Variants in GAK observed in about 807,000 individuals in gnomAD.
GAK encodes cyclin-G-associated kinase.
In GAK, 79 loss-of-function variants were observed where a neutral mutation model predicts 143.9. That is an observed-to-expected ratio of 0.55 (90% CI 0.46 to 0.66). The LOEUF (loss-of-function observed/expected upper bound fraction) is 0.66. Among genes scored for constraint, GAK ranks in the 30% least tolerant of loss-of-function variants. The pLI is 0.00. For missense variants in GAK, 1,693 were observed against 1,779.7 expected (o/e 0.95, Z 0.88); for synonymous variants, 881 against 765.5 (o/e 1.15, Z -2.49).
intron 24 of GAK, among the ~76,000 whole-genome samples, chr4:854,313 T>C (rs991536414): frequency 1.3e-5 from 2 of 152,122 alleles, no homozygotes; most frequent in African/African-American, 4.8e-5. Context: ...TTGACTGTAT[T>C]TTTATATTCT....
At position 932,148 on chromosome 4, in the gene GAK, G is replaced by A. The variant is rs1202175841; in HGVS notation, c.40C>T (p.Pro14Ser). ...CCGGAAGCACCGCCCAGGGAGCCTG[G>A]ACCCGCCAAGAAGTCGAGCGCCGAC... ...LQSALDFLAG[P>S]GSLGGASGRD... The change falls in exon 1 of 28, where the codon CCA becomes TCA. Residue 14 changes from proline to serine, a missense_variant. Physicochemically the swap from Pro to Ser is moderately conservative, Grantham distance 74. Coordinates refer to ENST00000314167, the MANE Select transcript of GAK (RefSeq NM_005255.4). The surrounding 1 kb of genome is among the most constrained non-coding windows in gnomAD (Gnocchi z 4.0). 12 of 1,580,360 alleles carry A rather than the reference G, an allele frequency of 7.6e-6. No homozygotes were observed. Among genetic ancestry groups the A allele is most frequent in the Non-Finnish European group, 9.4e-6 (11 of 1,164,436 alleles).
intron 5 of GAK, among the ~76,000 whole-genome samples, chr4:904,200 G>T (rs375287609): frequency 9.2e-4 from 132 of 143,692 alleles, no homozygotes; most frequent in African/African-American, 3.1e-3. Flanking sequence ...TGGCAGCTGC[G>T]TGTGGAGGGA....
Position 867,837 on chromosome 4 carries a change from G to A in GAK, c.2396-405C>T, listed in dbSNP as rs949084144. ...TGCAGAAGCTTCTGGGCGGGCGGTG[G>A]GGTGTTGTTCCTGAGGCGTCTCCAG... On this transcript the variant is annotated intron_variant, in intron 20 of 27. Transcript: ENST00000314167. Among the ~76,000 whole-genome samples the A allele has an allele frequency of 2.0e-5, 3 of 152,254 alleles. No homozygotes were observed. The South Asian group carries it at 6.2e-4, about 31-fold the overall frequency.
chr4:895,976 G>A (rs929760493), intron 7 of GAK, among the ~76,000 whole-genome samples: 1 of 152,226 alleles, frequency 6.6e-6, no homozygotes, highest in African/African-American at 2.4e-5. Context: ...AGTAGTCAAG[G>A]TTGGGCAGGG....
At chr4:851,355 CA>C in intron 25 of GAK, 1 of 450,254 alleles carries the variant, frequency 2.2e-6, no homozygotes. Flanking sequence ...CTCAGCCTCC[CA>C]AAGTGCTGGG....
Position 888,989 on chromosome 4 carries a change from T to G in GAK, c.1082-19A>C. On this transcript the variant is annotated intron_variant, in intron 10 of 27. Coordinates refer to ENST00000314167, the MANE Select transcript of GAK (RefSeq NM_005255.4). ...GCCAGGCCTGCAGGGAGACACAGTC[T>G]CAGCAGGCCCCAGGTGCTCGGTCCC... 6.2e-7 allele frequency: 1 copy of G among 1,605,776 alleles called. No individual in the cohort carries two copies.
intron 23 of GAK, among the ~76,000 whole-genome samples, chr4:862,519 G>T (rs149167969): frequency 6.6e-6 from 1 of 152,112 alleles, no homozygotes; most frequent in Non-Finnish European, 1.5e-5. Flanking sequence ...TTAGCCGGGC[G>T]TGGTGGCAGG....
chr4:870,142 A>C (rs1234878909), intron 19 of GAK, among the ~76,000 whole-genome samples: 2 of 152,192 alleles, frequency 1.3e-5, no homozygotes, highest in African/African-American at 4.8e-5. Context: ...CACAGCACGC[A>C]CAGGTCACAC....
At chr4:857,406 C>A (rs182429815) in intron 24 of GAK, among the ~76,000 whole-genome samples, 164 of 152,284 alleles carry the variant, frequency 1.1e-3, no homozygotes, top group Non-Finnish European at 1.9e-3. Context: ...TTTCAACATT[C>A]GGTGAAATTC....
intron 4 of GAK, among the ~76,000 whole-genome samples, chr4:908,016 C>T (rs116272755): frequency 0.016 from 2,447 of 152,358 alleles, 30 homozygotes; most frequent in Middle Eastern, 0.044. Flanking sequence ...GTGCACATAT[C>T]CTGGGAACAC....
intron 1 of GAK, among the ~76,000 whole-genome samples, chr4:930,939 G>A (rs1412429305): frequency 6.6e-6 from 1 of 152,210 alleles, no homozygotes; most frequent in Non-Finnish European, 1.5e-5. Context: ...CTCCAGCCCT[G>A]AGAGGTACCA....
At chr4:870,981 G>A (rs935347732) in intron 18 of GAK, 77 bp from the exon 19 acceptor site, 35 of 1,310,226 alleles carry the variant, frequency 2.7e-5, no homozygotes, top group Middle Eastern at 3.8e-4. Flanking sequence ...CTAAAGAAAC[G>A]TGCATGGAAA....
chr4:887,926 T>TTA (rs1491506473), intron 11 of GAK: 8 of 152,242 alleles, frequency 5.3e-5, no homozygotes, highest in Non-Finnish European at 1.0e-4. Flanking sequence ...TGTTCACATA[T>TTA]GTATGTTAAC....
At chr4:856,219 GCTGCTCACCACCACAGCTGCTCACAC>G (rs1284159379) in intron 24 of GAK, among the ~76,000 whole-genome samples, 7 of 133,818 alleles carry the variant, frequency 5.2e-5, no homozygotes, top group Admixed American at 2.3e-4. Flanking sequence ...GCTCACCACA[GCTGCTCACCACCACAGCTGCTCACAC>G]CTGCTCACCA....
At chr4:913,055 C>T (rs1015994434) in intron 2 of GAK, among the ~76,000 whole-genome samples, 4 of 152,206 alleles carry the variant, frequency 2.6e-5, no homozygotes, top group African/African-American at 9.6e-5. Flanking sequence ...TAAAATGAGA[C>T]AGACAAGAAG....
At chr4:925,535 A>T (rs1560448271) in intron 1 of GAK, among the ~76,000 whole-genome samples, 1 of 152,244 alleles carries the variant, frequency 6.6e-6, no homozygotes, top group Non-Finnish European at 1.5e-5. Context: ...CAACATTTTC[A>T]ATACACACAT....
At chr4:894,981 A>ATAAAT (rs1718485760) in intron 7 of GAK, among the ~76,000 whole-genome samples, 1 of 81,622 alleles carries the variant, frequency 1.2e-5, no homozygotes, top group South Asian at 8.3e-4. Context: ...TCTGTCTCAA[A>ATAAAT]TAAATAAATA....
chr4:896,101 A>C (rs989735912), intron 7 of GAK, among the ~76,000 whole-genome samples: 1 of 152,232 alleles, frequency 6.6e-6, no homozygotes, highest in East Asian at 1.9e-4. Context: ...CCCTTCTACC[A>C]AAAATACAAA....
chr4:857,312 G>C (rs1017071013), intron 24 of GAK, among the ~76,000 whole-genome samples: 6 of 152,148 alleles, frequency 3.9e-5, no homozygotes, highest in African/African-American at 1.4e-4. Context: ...TTTGGTATCA[G>C]GGTGATAGTA....
Sources: gnomAD v4.1 joint callset for allele counts (sites outside exome capture counted in the v4.1 genomes callset) on GRCh38, gnomAD v4.1.1 for gene constraint, Gnocchi (gnomAD v3.1) non-coding constraint, MANE v1.5 for transcripts, NCBI Gene and HGNC (gene_info 2026-07-23, HGNC 2026-07-21) for gene names.